PAX3: variants seen among roughly 807,000 people sequenced by gnomAD.
The protein encoded by PAX3 is paired box protein Pax-3.
In PAX3, 14 loss-of-function variants were observed where a neutral mutation model predicts 51.6. The ratio of observed to expected loss-of-function variants is 0.27; its 90% CI spans 0.18 to 0.42. The LOEUF (loss-of-function observed/expected upper bound fraction) is 0.42, where lower values mean the gene tolerates loss of function less well. PAX3 is among the 10% of genes least tolerant of loss of function. PAX3 has a pLI of 1.00. For synonymous variants in PAX3, 280 were observed against 253.4 expected, an observed-to-expected ratio of 1.11 and a Z score of -1.00; for missense variants, 540 against 642.8, an observed-to-expected ratio of 0.84 and a Z score of 1.73.
chr2:222,283,197 C>T (rs1256736796), intron 4 of PAX3, among the ~76,000 whole-genome samples: 1 of 152,160 alleles, frequency 6.6e-6, no homozygotes, highest in Admixed American at 6.5e-5. Context: ...TGATGGAGTA[C>T]TATGCAGCTA....
chr2:222,293,987 T>C (rs1695147697), intron 4 of PAX3, 180 bp downstream of exon 4: 1 of 1,527,800 alleles, frequency 6.5e-7, no homozygotes, highest in Non-Finnish European at 8.7e-7. Context: ...GAAATGTTTG[T>C]TTTGATTCCT....
intron 4 of PAX3, among the ~76,000 whole-genome samples, chr2:222,280,411 A>C (rs1005850331): frequency 6.8e-6 from 1 of 147,410 alleles, no homozygotes; most frequent in South Asian, 2.1e-4. Context: ...AGAAAGAAAG[A>C]AAAAAGAAAG....
Position 222,200,189 on chromosome 2 carries a change from A to G in PAX3, c.*1219T>C, listed in dbSNP as rs1018015892. 2.3e-5 allele frequency: 5 copies of G among 218,068 alleles called. No individual in the cohort carries two copies. Among genetic ancestry groups the G allele is most frequent in the East Asian group, 6.8e-5 (1 of 14,794 alleles). The allele number at this position is 218,068 out of a possible 1,614,324, so 13.5% of individuals were successfully genotyped here. A position where few individuals can be genotyped will look rare whatever the true frequency, so the allele number is the denominator to read the frequency against. On this transcript the variant is annotated 3_prime_UTR_variant, in exon 9 of 9. Transcript: ENST00000392070. ...CTTCCACCTTCTTGTTCCTCTCAAC[A>G]TCTCAAAAAGCAAATTTATTGACAT... is the stretch of plus-strand genomic sequence containing the variant.
chr2:222,286,054 C>T (rs1694823097), intron 4 of PAX3, among the ~76,000 whole-genome samples: 1 of 152,250 alleles, frequency 6.6e-6, no homozygotes, highest in Admixed American at 6.5e-5. Context: ...TCTCCTGCCT[C>T]AGTCCCCCAA....
chr2:222,294,174 G>A lies in PAX3; in HGVS notation c.579C>T (p.Ser193=), dbSNP rs80081387. Residue 193 remains serine, a synonymous_variant, in exon 4 of 9, where the codon AGC becomes AGT. Transcript: ENST00000392070. ...KAKHSIDGIL[S]ERASAPQSDE... ...CAAGGCGCCACCGCTTACCTCGCTC[G>A]CTCAGGATGCCGTCGATGCTGTGTT... 1.9e-6 allele frequency: 3 copies of A among 1,614,086 alleles called. No homozygotes were observed. The highest frequency in any genetic ancestry group is 2.5e-6 in the Non-Finnish European group (3 of 1,180,046).
Position 222,298,714 on chromosome 2 carries a change from G to GA in PAX3, c.-100dup. 8.3e-7 allele frequency: 1 copy of GA among 1,205,770 alleles called. No homozygotes were observed. Among genetic ancestry groups the GA allele is most frequent in the Non-Finnish European group, 1.2e-6 (1 of 837,366 alleles). 74.7% of individuals were successfully genotyped at this position (1,205,770 alleles called of 1,614,324 possible). ...CCTCGGGAACTATCCGGAGCGTGGA[G>GA]AGCCCCTCCCCAAAACGGCTGGAGA... is the stretch of plus-strand genomic sequence containing the variant. On this transcript the variant is annotated 5_prime_UTR_variant, in exon 1 of 9. Transcript: ENST00000392070.
rs753222265 is a variant in PAX3, at chr2:222,201,033, A to T, written c.*375T>A. 275 of 868,420 alleles carry T rather than the reference A, an allele frequency of 3.2e-4. No individual in the cohort carries two copies. The highest frequency in any genetic ancestry group is 4.4e-4 in the Non-Finnish European group (243 of 546,624). 53.8% of individuals were successfully genotyped at this position (868,420 alleles called of 1,614,324 possible). The stretch of plus-strand genomic sequence containing the variant: ...CCCAAACCAGTCTGGGTAAATCTCA[A>T]TACACACACACACACACACACGCAC... On this transcript the variant is annotated 3_prime_UTR_variant, in exon 9 of 9. Transcript: ENST00000392070.
At chr2:222,247,398 T>A (rs1359144806) in intron 4 of PAX3, among the ~76,000 whole-genome samples, 1 of 152,202 alleles carries the variant, frequency 6.6e-6, no homozygotes. Flanking sequence ...TTTTTCCCAC[T>A]ATTAGTCAGA....
At chr2:222,230,961 T>G (rs1168926927) in intron 5 of PAX3, among the ~76,000 whole-genome samples, 1 of 152,164 alleles carries the variant, frequency 6.6e-6, no homozygotes, top group Admixed American at 6.6e-5. Context: ...ATTATTTGTA[T>G]GTTTATTTTT....
At chr2:222,277,363 C>T (rs950612964) in intron 4 of PAX3, among the ~76,000 whole-genome samples, 15 of 152,258 alleles carry the variant, frequency 9.9e-5, no homozygotes, top group Middle Eastern at 3.4e-3. Context: ...AGAAACAAAC[C>T]TCAAAGGTGA....
At chr2:222,218,959 C>A (rs954203091) in intron 7 of PAX3, among the ~76,000 whole-genome samples, 12 of 152,148 alleles carry the variant, frequency 7.9e-5, no homozygotes, top group Non-Finnish European at 1.3e-4. Flanking sequence ...CGGCTTTGAA[C>A]TTTTCAGCTG....
intron 4 of PAX3, among the ~76,000 whole-genome samples, chr2:222,293,337 CCTTT>C (rs1158489445): frequency 4.6e-5 from 7 of 152,160 alleles, no homozygotes; most frequent in South Asian, 2.1e-4. Context: ...CATTTCTTTT[CCTTT>C]CTTTCTTTCT....
At chr2:222,262,911 G>T (rs1278811232) in intron 4 of PAX3, 1 of 152,118 alleles carries the variant, frequency 6.6e-6, no homozygotes, top group Non-Finnish European at 1.5e-5. Context: ...TGTTGAAACA[G>T]TTAGACATAC....
intron 3 of PAX3, among the ~76,000 whole-genome samples, chr2:222,295,187 C>G (rs976560278): frequency 6.6e-6 from 1 of 152,178 alleles, no homozygotes; most frequent in Non-Finnish European, 1.5e-5. Context: ...CATCTCCCTT[C>G]GGTTGGGGTT....
intron 4 of PAX3, among the ~76,000 whole-genome samples, chr2:222,237,416 C>T (rs1370737375): frequency 6.6e-6 from 1 of 151,344 alleles, no homozygotes. Context: ...AAATATCAAT[C>T]ACTTAGCTAA....
chr2:222,238,129 G>A (rs1432372611), intron 4 of PAX3, among the ~76,000 whole-genome samples: 2 of 152,254 alleles, frequency 1.3e-5, no homozygotes, highest in Non-Finnish European at 2.9e-5. Flanking sequence ...ATCAAGCACA[G>A]GGCAACTGTC....
At chr2:222,281,534 T>G (rs1265885068) in intron 4 of PAX3, among the ~76,000 whole-genome samples, 1 of 152,252 alleles carries the variant, frequency 6.6e-6, no homozygotes, top group East Asian at 1.9e-4. Flanking sequence ...TCTGATGATC[T>G]GTCAGTAACC....
chr2:222,233,901 G>C (rs1241871146), intron 4 of PAX3, among the ~76,000 whole-genome samples: 2 of 152,222 alleles, frequency 1.3e-5, no homozygotes, highest in African/African-American at 4.8e-5. Flanking sequence ...CCCTCAGGCT[G>C]ATAGGACCTG....
In PAX3 at chr2:222,253,149, C is replaced by T. The variant is rs114797657; in HGVS notation, c.587-20866G>A. Among the ~76,000 whole-genome samples, 112 of 152,162 alleles carry T rather than the reference C, an allele frequency of 7.4e-4. 1 individual carries two copies. The highest frequency in any genetic ancestry group is 2.6e-3 in the African/African-American group (109 of 41,512). ...GAAAGAAAGAACTGTTGTTCTATTC[C>T]GAGGATTCTGTTCTCAACACAAATG... On this transcript the variant is annotated intron_variant, in intron 4 of 8. Transcript: ENST00000392070.
Sources: gnomAD v4.1 joint callset for allele counts (sites outside exome capture counted in the v4.1 genomes callset) on GRCh38, gnomAD v4.1.1 for gene constraint, MANE v1.5 for transcripts, NCBI Gene and HGNC (gene_info 2026-07-23, HGNC 2026-07-21) for gene names.